CFAP74: variants seen among roughly 807,000 people sequenced by gnomAD.
CFAP74 encodes the protein cilia and flagella associated protein 74, also known as cilia- and flagella-associated protein 74.
CFAP74 carries 124 observed loss-of-function variants against 188.9 expected under a neutral mutation model. The observed-to-expected ratio is 0.66, with a 90% CI of 0.57 to 0.76. CFAP74 has a LOEUF of 0.76. CFAP74 is among the 30% of genes least tolerant of loss of function. The pLI, the probability that CFAP74 is intolerant of heterozygous loss-of-function variation, is 0.00. For synonymous variants in CFAP74, 956 were observed against 916.7 expected (o/e 1.04, Z -0.77); for missense variants, 2,198 against 2,165.2 (o/e 1.02, Z -0.30).
At chr1:1,970,917 G>A (rs76235226) in intron 9 of CFAP74, 101 bp from the exon 10 acceptor site, 131 of 1,296,172 alleles carry the variant, frequency 1.0e-4, no homozygotes, top group East Asian at 9.9e-4. Context: ...ACATGCACAC[G>A]TGCACACACG....
chr1:1,996,510 A>G (rs927153067), intron 1 of CFAP74, among the ~76,000 whole-genome samples: 2 of 152,198 alleles, frequency 1.3e-5, no homozygotes, highest in Admixed American at 6.5e-5. Context: ...TTGATTGATC[A>G]GATTATTCAC....
At chr1:1,992,892 G>C (rs554260583) in intron 1 of CFAP74, among the ~76,000 whole-genome samples, 1 of 152,002 alleles carries the variant, frequency 6.6e-6, no homozygotes, top group South Asian at 2.1e-4. Context: ...CCAGATGTTG[G>C]AACTAAATAA....
At chr1:1,955,317 G>GCTGGTGCGCGT (rs142420544) in intron 18 of CFAP74, 110,399 of 1,304,544 alleles carry the variant, frequency 0.085, 5,364 homozygotes, top group Non-Finnish European at 0.099. Flanking sequence ...ACCTCTCCCC[G>GCTGGTGCGCGT]CTGGTGCGCG....
intron 25 of CFAP74, among the ~76,000 whole-genome samples, chr1:1,936,217 CAA>C (rs112657762): frequency 9.0e-4 from 90 of 100,058 alleles, no homozygotes; most frequent in African/African-American, 2.7e-3. Flanking sequence ...TGCTCCGTCT[CAA>C]AAAAAAAAAA....
chr1:1,965,095 A>G, intron 12 of CFAP74, 34 bp from the exon 13 acceptor site: 2 of 1,597,176 alleles, frequency 1.3e-6, no homozygotes, highest in Non-Finnish European at 1.7e-6. Flanking sequence ...TGGGGCTGTT[A>G]GCGGCTCCAC....
Position 1,968,846 on chromosome 1 carries a change from G to T in CFAP74, c.1047-13C>A, listed in dbSNP as rs779396077. On this transcript the variant is annotated splice_polypyrimidine_tract_variant and intron_variant, in intron 10 of 38. Coordinates refer to ENST00000682832, the MANE Select transcript of CFAP74 (RefSeq NM_001304360.2). The surrounding 1 kb of genome is among the most constrained non-coding windows in gnomAD (Gnocchi z 4.3). ...CTCCTCAAAGGCCCTGCGTGGAGTC[G>T]CTTCTCAGATGAGTGCAAGAGGTCC... The T allele has an allele frequency of 6.2e-7, 1 of 1,612,924 alleles. No homozygotes were observed. Among genetic ancestry groups the T allele is most frequent in the Non-Finnish European group, 8.5e-7 (1 of 1,179,680 alleles).
intron 17 of CFAP74, 101 bp downstream of exon 17, chr1:1,956,519 C>T (rs2102061902): frequency 1.4e-6 from 2 of 1,428,334 alleles, no homozygotes; most frequent in East Asian, 4.6e-5. Context: ...TCTCCCAGGC[C>T]CACTGTTGAT....
At position 1,989,491 on chromosome 1, in the gene CFAP74, GTC is replaced by G. The variant is rs147588727; in HGVS notation, c.68-520_68-519del. ...GGCGTAGTCATGAACCTGACGTGGA[GTC>G]TCTGTTGCCCAGGCTGGAGTGCGGT... On this transcript the variant is annotated intron_variant, in intron 2 of 38. Transcript: ENST00000682832. Among the ~76,000 whole-genome samples the G allele has an allele frequency of 8.3e-3, 1,269 of 152,322 alleles. 60 individuals are homozygous for G. The highest frequency in any genetic ancestry group is 0.069 in the Admixed American group (1,056 of 15,296).
chr1:1,944,929 T>C (rs987134113), intron 20 of CFAP74, among the ~76,000 whole-genome samples: 2 of 152,174 alleles, frequency 1.3e-5, no homozygotes, highest in African/African-American at 4.8e-5. Flanking sequence ...ATTTTCGAAA[T>C]GTTCAACTAC....
At chr1:1,955,560 T>C in intron 18 of CFAP74, 131 bp downstream of exon 18, 1 of 1,611,604 alleles carries the variant, frequency 6.2e-7, no homozygotes, top group East Asian at 2.2e-5. Flanking sequence ...TGCTTAACCG[T>C]CACTTAACAT....
intron 9 of CFAP74, among the ~76,000 whole-genome samples, chr1:1,971,503 G>C (rs1656074372): frequency 6.6e-6 from 1 of 152,288 alleles, no homozygotes; most frequent in Non-Finnish European, 1.5e-5. Flanking sequence ...GACGCCTGCA[G>C]ATCCTGTGAG....
intron 14 of CFAP74, 65 bp downstream of exon 14, chr1:1,963,684 A>C: frequency 2.0e-6 from 2 of 1,015,210 alleles, no homozygotes; most frequent in Non-Finnish European, 3.1e-6. Flanking sequence ...TCTGAACATG[A>C]AGGGACCTAT....
In CFAP74 at chr1:1,991,768, G is replaced by A. The variant is rs571697187; in HGVS notation, c.-19-793C>T. On this transcript the variant is annotated intron_variant, in intron 1 of 38. Transcript: ENST00000682832. ...AGAATGCCTGAGATTGGCTGGGCGTGGTGGCTCACACCTGTAATCCCAGCA... is the reference window on the plus strand; with the variant it reads ...AGAATGCCTGAGATTGGCTGGGCGTAGTGGCTCACACCTGTAATCCCAGCA... Among the ~76,000 whole-genome samples the A allele has an allele frequency of 5.3e-4, 80 of 152,272 alleles. 1 individual carries two copies. The highest frequency in any genetic ancestry group is 1.6e-3 in the Admixed American group (25 of 15,296).
At chr1:1,979,940 G>A (rs532474602) in intron 6 of CFAP74, among the ~76,000 whole-genome samples, 79 of 151,104 alleles carry the variant, frequency 5.2e-4, no homozygotes, top group African/African-American at 1.8e-3. Flanking sequence ...CAGAACACGC[G>A]TGTGATCGCT....
At chr1:1,936,626 G>A (rs948414689) in intron 25 of CFAP74, among the ~76,000 whole-genome samples, 30 of 152,086 alleles carry the variant, frequency 2.0e-4, no homozygotes, top group Admixed American at 1.8e-3. Context: ...GAGGAGAGCC[G>A]CGCACAGTGG....
Position 1,923,292 on chromosome 1 carries a change from G to A in CFAP74, c.4522+75C>T. 1 of 1,510,946 alleles carries A rather than the reference G, an allele frequency of 6.6e-7. No individual in the cohort carries two copies. 93.6% of individuals were successfully genotyped at this position (1,510,946 alleles called of 1,614,324 possible). A position where few individuals can be genotyped will look rare whatever the true frequency, so the allele number is the denominator to read the frequency against. ...GGGAATCCCTGCCCTGCTCCGCTGG[G>A]TCTCGGGGCCCCCATCCACGGGACA... On this transcript the variant is annotated intron_variant, in intron 36 of 38. Transcript: ENST00000682832. The surrounding 1 kb of genome is among the most constrained non-coding windows in gnomAD (Gnocchi z 6.3).
At chr1:1,955,102 AC>A (rs1254512530) in intron 18 of CFAP74, 2 of 1,081,176 alleles carry the variant, frequency 1.8e-6, no homozygotes, top group South Asian at 3.3e-5. Context: ...GCTGTGGAGA[AC>A]CGGCCCAGCT....
Position 1,955,870 on chromosome 1 carries a change from T to A in CFAP74, c.2017-20A>T, listed in dbSNP as rs762548045. Reference sequence around the variant, plus strand: ...ACTGCTCTAGAGAGGAGAATCAACATCCTGGCTTGGGAGGTTTCCCACCTC... The same window carrying A: ...ACTGCTCTAGAGAGGAGAATCAACAACCTGGCTTGGGAGGTTTCCCACCTC... On this transcript the variant is annotated intron_variant, in intron 17 of 38. Coordinates refer to ENST00000682832, the MANE Select transcript of CFAP74 (RefSeq NM_001304360.2). 1.3e-6 allele frequency: 2 copies of A among 1,598,118 alleles called. No homozygotes were observed. Among genetic ancestry groups the A allele is most frequent in the Admixed American group, 3.4e-5 (2 of 59,424 alleles).
Position 1,973,949 on chromosome 1 carries a change from G to A in CFAP74, c.674+76C>T. The A allele has an allele frequency of 1.5e-6, 2 of 1,354,302 alleles. No individual in the cohort carries two copies. The highest frequency in any genetic ancestry group is 2.0e-6 in the Non-Finnish European group (2 of 1,019,310). 83.9% of individuals were successfully genotyped at this position (1,354,302 alleles called of 1,614,324 possible). ...TGTGGAGGGCGAGGCTGAATCTGGAGACCCCTGGGGGAGAGGGCGGAGGGG... is the reference window on the plus strand; with the variant it reads ...TGTGGAGGGCGAGGCTGAATCTGGAAACCCCTGGGGGAGAGGGCGGAGGGG... On this transcript the variant is annotated intron_variant, in intron 7 of 38. Coordinates refer to ENST00000682832, the MANE Select transcript of CFAP74 (RefSeq NM_001304360.2). The surrounding 1 kb of genome is among the most constrained non-coding windows in gnomAD (Gnocchi z 6.2).
Sources: gnomAD v4.1 joint callset for allele counts (sites outside exome capture counted in the v4.1 genomes callset) on GRCh38, gnomAD v4.1.1 for gene constraint, Gnocchi (gnomAD v3.1) non-coding constraint, MANE v1.5 for transcripts, NCBI Gene and HGNC (gene_info 2026-07-23, HGNC 2026-07-21) for gene names.